TSHZ2: variants seen among roughly 807,000 people sequenced by gnomAD.
TSHZ2 encodes teashirt homolog 2.
A neutral mutation model predicts 74.4 loss-of-function variants in TSHZ2; 21 were observed. The ratio of observed to expected loss-of-function variants is 0.28; its 90% confidence interval spans 0.20 to 0.41. TSHZ2 has a LOEUF of 0.41. TSHZ2 is among the 10% of genes least tolerant of loss of function. The pLI is 1.00. For synonymous variants in TSHZ2, 540 were observed against 515.3 expected (o/e 1.05, Z -0.65); for missense variants, 1,244 against 1,293.5 (o/e 0.96, Z 0.59).
chr20:53,467,927 T>TAGTC lies in TSHZ2; in HGVS notation c.*9-19215_*9-19212dup, dbSNP rs562600602. Among the ~76,000 whole-genome samples, 70 of 152,160 alleles carry TAGTC rather than the reference T, an allele frequency of 4.6e-4. 1 individual carries two copies. Among genetic ancestry groups the TAGTC allele is most frequent in the Admixed American group, 1.2e-3 (19 of 15,280 alleles). ...GATTTATGACATAACTTTTGTGACA[T>TAGTC]AGTCAAATGCAACAGAGACGACAGG... On this transcript the variant is annotated intron_variant, in intron 2 of 2. Coordinates refer to ENST00000371497, the MANE Select transcript of TSHZ2 (RefSeq NM_173485.6).
chr20:53,323,117 G>C (rs944005177), intron 2 of TSHZ2, among the ~76,000 whole-genome samples: 1 of 152,190 alleles, frequency 6.6e-6, no homozygotes, highest in African/African-American at 2.4e-5. Flanking sequence ...TATGGAAAAA[G>C]CATGTTGGCC....
chr20:53,335,272 G>A (rs1244193149), intron 2 of TSHZ2, among the ~76,000 whole-genome samples: 1 of 152,246 alleles, frequency 6.6e-6, no homozygotes, highest in Non-Finnish European at 1.5e-5. Context: ...CTGATGCACA[G>A]TGAGATTTGA....
At chr20:53,408,805 G>A (rs1982939944) in intron 2 of TSHZ2, among the ~76,000 whole-genome samples, 1 of 152,204 alleles carries the variant, frequency 6.6e-6, no homozygotes, top group South Asian at 2.1e-4. Flanking sequence ...CTTTCACTCT[G>A]TATATCATCC....
chr20:53,026,231 C>T (rs1051427765), intron 1 of TSHZ2, among the ~76,000 whole-genome samples: 1 of 152,132 alleles, frequency 6.6e-6, no homozygotes, highest in Non-Finnish European at 1.5e-5. Flanking sequence ...GGATCCTTCT[C>T]ATTGTGCCTG....
rs570971856 is a variant in TSHZ2, at chr20:53,464,224, T to C, written c.*9-22920T>C. Reference sequence around the variant, plus strand: ...TGCTCTCCTAGAACCTGAATGCTAGTGGGGAGACATGTCAAACAGTGCTCG... The same window carrying C: ...TGCTCTCCTAGAACCTGAATGCTAGCGGGGAGACATGTCAAACAGTGCTCG... On this transcript the variant is annotated intron_variant, in intron 2 of 2. Transcript: ENST00000371497. 6.1e-4 allele frequency among the ~76,000 whole-genome samples: 93 copies of C among 152,260 alleles called. 1 individual carries two copies. The highest frequency in any genetic ancestry group is 2.1e-3 in the African/African-American group (86 of 41,542).
rs1052314608 is a variant in TSHZ2 at position 53,202,038 on chromosome 20, A to G, written c.41-51461A>G. The stretch of plus-strand genomic sequence containing the variant: ...ACCACCACAAGTAACAAGAGAGACT[A>G]CCTTTGCATATGTGTCGCTCACATG... On this transcript the variant is annotated intron_variant, in intron 1 of 2. Transcript: ENST00000371497. Among the ~76,000 whole-genome samples the G allele has an allele frequency of 2.6e-5, 4 of 152,184 alleles. No individual in the cohort carries two copies. In the South Asian group the frequency reaches 8.3e-4, roughly 32 times the overall value.
intron 1 of TSHZ2, among the ~76,000 whole-genome samples, chr20:53,021,943 T>A (rs1201755571): frequency 6.6e-6 from 1 of 152,224 alleles, no homozygotes; most frequent in African/African-American, 2.4e-5. Flanking sequence ...TTAAGTATTT[T>A]TCTTCTTTCT....
At chr20:53,374,435 A>C (rs1012779338) in intron 2 of TSHZ2, among the ~76,000 whole-genome samples, 11 of 152,216 alleles carry the variant, frequency 7.2e-5, no homozygotes, top group African/African-American at 2.7e-4. Flanking sequence ...CATTGTGAAT[A>C]GTGCTCTGAT....
intron 1 of TSHZ2, among the ~76,000 whole-genome samples, chr20:53,207,092 T>C (rs968958603): frequency 1.3e-5 from 2 of 152,186 alleles, no homozygotes; most frequent in Non-Finnish European, 2.9e-5. Context: ...GCGTGGTCTC[T>C]TCCCAGGGAT....
intron 1 of TSHZ2, among the ~76,000 whole-genome samples, chr20:53,113,868 A>G (rs553584346): frequency 6.6e-6 from 1 of 152,126 alleles, no homozygotes; most frequent in South Asian, 2.1e-4. Flanking sequence ...CCAGAAGTGT[A>G]TGGATTATCT....
intron 1 of TSHZ2, among the ~76,000 whole-genome samples, chr20:53,033,937 G>C (rs1381386802): frequency 6.6e-6 from 1 of 152,074 alleles, no homozygotes; most frequent in African/African-American, 2.4e-5. Flanking sequence ...TGGGATTGCA[G>C]GCATGAGCCA....
At chr20:53,291,402 G>T (rs182116533) in intron 2 of TSHZ2, among the ~76,000 whole-genome samples, 1 of 151,696 alleles carries the variant, frequency 6.6e-6, no homozygotes, top group Admixed American at 6.6e-5. Flanking sequence ...GAACCTGGGC[G>T]GTGGAGGCTG....
chr20:53,304,628 C>CTTGT (rs142498857), intron 2 of TSHZ2, among the ~76,000 whole-genome samples: 10,964 of 150,886 alleles, frequency 0.073, 1,118 homozygotes, highest in African/African-American at 0.24. Flanking sequence ...TGTTTGTTTC[C>CTTGT]TTGTTTGTTT....
intron 1 of TSHZ2, among the ~76,000 whole-genome samples, chr20:53,050,395 T>A (rs985595792): frequency 6.6e-6 from 1 of 152,122 alleles, no homozygotes; most frequent in Admixed American, 6.6e-5. Context: ...AAGCATCTGA[T>A]ACCTTAGTCT....
intron 1 of TSHZ2, among the ~76,000 whole-genome samples, chr20:52,984,576 G>T (rs1160399866): frequency 6.6e-6 from 1 of 152,140 alleles, no homozygotes; most frequent in Non-Finnish European, 1.5e-5. Flanking sequence ...GACGGGGAGG[G>T]TGAGCAGGGA....
intron 1 of TSHZ2, among the ~76,000 whole-genome samples, chr20:53,037,587 C>G (rs1407799543): frequency 6.6e-6 from 1 of 152,174 alleles, no homozygotes; most frequent in African/African-American, 2.4e-5. Flanking sequence ...GGCTGTTGAT[C>G]AGACCTATTT....
intron 2 of TSHZ2, among the ~76,000 whole-genome samples, chr20:53,473,801 G>C (rs1350360538): frequency 6.6e-6 from 1 of 152,112 alleles, no homozygotes; most frequent in East Asian, 1.9e-4. Flanking sequence ...CCAATACAGA[G>C]AAGTGCTTAA....
intron 1 of TSHZ2, among the ~76,000 whole-genome samples, chr20:53,100,955 T>G (rs1329216782): frequency 6.6e-6 from 1 of 151,934 alleles, no homozygotes; most frequent in Non-Finnish European, 1.5e-5. Context: ...GGTCCAATCT[T>G]AATAGTGGGG....
intron 1 of TSHZ2, among the ~76,000 whole-genome samples, chr20:53,079,879 A>G (rs1985480373): frequency 1.3e-5 from 2 of 150,956 alleles, no homozygotes; most frequent in Admixed American, 6.6e-5. Flanking sequence ...AAGTTGAATT[A>G]TATGTCCTAA....
Sources: gnomAD v4.1 joint callset for allele counts (sites outside exome capture counted in the v4.1 genomes callset) on GRCh38, gnomAD v4.1.1 for gene constraint, MANE v1.5 for transcripts, NCBI Gene and HGNC (gene_info 2026-07-23, HGNC 2026-07-21) for gene names.